The following CORIN variants were observed in gnomAD, a reference collection of about 807,000 sequenced individuals.
CORIN encodes atrial natriuretic peptide-converting enzyme.
Under a neutral mutation model 125.3 loss-of-function variants are expected in CORIN, and 117 were observed. That is an observed-to-expected ratio of 0.93 (90% CI 0.80 to 1.09). CORIN has a LOEUF of 1.09. Among genes scored for constraint, CORIN ranks in the 50% least tolerant of loss-of-function variants. CORIN has a pLI of 0.00. For synonymous variants in CORIN, 450 were observed against 466.4 expected (o/e 0.96, Z 0.45); for missense variants, 1,253 against 1,306.7 (o/e 0.96, Z 0.63).
At chr4:47,737,645 A>G (rs1728192740) in intron 5 of CORIN, among the ~76,000 whole-genome samples, 1 of 152,186 alleles carries the variant, frequency 6.6e-6, no homozygotes, top group Non-Finnish European at 1.5e-5. Flanking sequence ...TCCCTCCCTT[A>G]ACACAAAGGC....
chr4:47,813,316 G>A (rs1272335096), intron 1 of CORIN, among the ~76,000 whole-genome samples: 1 of 152,170 alleles, frequency 6.6e-6, no homozygotes, highest in Admixed American at 6.5e-5. Flanking sequence ...CACACAGTTT[G>A]GAAACCATAG....
chr4:47,658,187 A>C (rs969952983), intron 12 of CORIN, among the ~76,000 whole-genome samples: 1 of 152,250 alleles, frequency 6.6e-6, no homozygotes, highest in Admixed American at 6.5e-5. Flanking sequence ...GGCTAAAAGA[A>C]AGAGGCTACA....
chr4:47,719,739 G>A (rs1023507278), intron 5 of CORIN, among the ~76,000 whole-genome samples: 2 of 152,264 alleles, frequency 1.3e-5, no homozygotes, highest in South Asian at 2.1e-4. Context: ...TGTGCGTGGA[G>A]AAAATTGGAA....
chr4:47,782,315 G>A (rs907882647), intron 3 of CORIN, among the ~76,000 whole-genome samples: 1 of 151,412 alleles, frequency 6.6e-6, no homozygotes, highest in Non-Finnish European at 1.5e-5. Context: ...AACCCAGGAG[G>A]CGAAGGTTGC....
intron 19 of CORIN, among the ~76,000 whole-genome samples, chr4:47,618,179 A>G (rs34048353): frequency 0.27 from 40,774 of 151,692 alleles, 5,623 homozygotes; most frequent in Admixed American, 0.35. Context: ...TACTAAAAAT[A>G]CAAAATTAGC....
At chr4:47,639,045 C>T (rs928350565) in intron 16 of CORIN, among the ~76,000 whole-genome samples, 5 of 152,096 alleles carry the variant, frequency 3.3e-5, no homozygotes, top group Non-Finnish European at 5.9e-5. Flanking sequence ...CCCTGCAACC[C>T]ATGAAATTTG....
chr4:47,673,084 G>C (rs1055040075), intron 10 of CORIN, among the ~76,000 whole-genome samples: 1 of 152,064 alleles, frequency 6.6e-6, no homozygotes, highest in African/African-American at 2.4e-5. Context: ...ACCCTGGCTG[G>C]GTGCAGTGGC....
chr4:47,646,995 T>A (rs964230805), intron 13 of CORIN, among the ~76,000 whole-genome samples: 24 of 152,218 alleles, frequency 1.6e-4, no homozygotes, highest in Non-Finnish European at 2.5e-4. Flanking sequence ...TTAGATTTAG[T>A]GTGTTTCATC....
intron 5 of CORIN, among the ~76,000 whole-genome samples, chr4:47,735,114 A>G (rs1221785242): frequency 6.6e-6 from 1 of 152,248 alleles, no homozygotes; most frequent in Admixed American, 6.5e-5. Flanking sequence ...TATGATTAAG[A>G]CTGTATTATA....
chr4:47,778,087 G>A (rs1190719562), intron 3 of CORIN, among the ~76,000 whole-genome samples: 1 of 152,126 alleles, frequency 6.6e-6, no homozygotes, highest in Non-Finnish European at 1.5e-5. Flanking sequence ...TTACAATGCT[G>A]TTAACATGCT....
In CORIN at chr4:47,678,019, C is replaced by T; in HGVS notation, c.1168G>A (p.Gly390Arg). Reference sequence around the variant, plus strand: ...TGAAACGTGCTGGGGATACATTGTCCATTTCTGCATTCCACCAGACCCTGG... The same window carrying T: ...TGAAACGTGCTGGGGATACATTGTCTATTTCTGCATTCCACCAGACCCTGG... ...HSQGLVECRN[G>R]QCIPSTFQCD... Residue 390 changes from glycine to arginine, a missense_variant, in exon 9 of 22, where the codon GGA becomes AGA. Physicochemically the swap from Gly to Arg is moderately radical, Grantham distance 125. Transcript: ENST00000273857. 1 of 1,614,010 alleles carries T rather than the reference C, an allele frequency of 6.2e-7. No homozygotes were observed. Among genetic ancestry groups the T allele is most frequent in the Non-Finnish European group, 8.5e-7 (1 of 1,179,918 alleles).
chr4:47,646,618 T>C (rs1006906367), intron 13 of CORIN, among the ~76,000 whole-genome samples: 7 of 152,198 alleles, frequency 4.6e-5, no homozygotes, highest in Non-Finnish European at 7.3e-5. Context: ...AGGAAGAGAC[T>C]ACATGGCAAA....
At chr4:47,788,892 T>C (rs62299252) in intron 2 of CORIN, among the ~76,000 whole-genome samples, 13,877 of 152,284 alleles carry the variant, frequency 0.091, 799 homozygotes, top group East Asian at 0.26. Context: ...TTCCTTCTCA[T>C]ATAAAATATT....
intron 4 of CORIN, among the ~76,000 whole-genome samples, chr4:47,757,297 T>C (rs1044025762): frequency 6.6e-6 from 1 of 152,060 alleles, no homozygotes; most frequent in Non-Finnish European, 1.5e-5. Flanking sequence ...AAATTAAATA[T>C]AATAATAAAT....
chr4:47,817,035 C>G (rs558707201), intron 1 of CORIN, among the ~76,000 whole-genome samples: 1 of 152,164 alleles, frequency 6.6e-6, no homozygotes, highest in Non-Finnish European at 1.5e-5. Context: ...AGTAAGCAAA[C>G]TGTTACCCTT....
At position 47,804,730 on chromosome 4, in the gene CORIN, G is replaced by T. The variant is rs1415031369; in HGVS notation, c.208+2173C>A. Among the ~76,000 whole-genome samples, 23 of 129,776 alleles carry T rather than the reference G, an allele frequency of 1.8e-4. No individual in the cohort carries two copies. The East Asian group carries it at 6.3e-3, about 35-fold the overall frequency. The allele number at this position is 129,776 out of a possible 152,430, so 85.1% of individuals were successfully genotyped here. ...CTGAGGCTGGGAAGGATGGTGGGGG[G>T]TGGGGAGGGGGGGGGTTGTTAATGG... On this transcript the variant is annotated intron_variant, in intron 2 of 21. Coordinates refer to ENST00000273857, the MANE Select transcript of CORIN (RefSeq NM_006587.4).
intron 4 of CORIN, among the ~76,000 whole-genome samples, chr4:47,751,140 G>A (rs1242141103): frequency 6.6e-6 from 1 of 152,146 alleles, no homozygotes; most frequent in Non-Finnish European, 1.5e-5. Flanking sequence ...ACTACAGAAG[G>A]AAAGCTGTTT....
chr4:47,809,061 G>A (rs1731931404), intron 1 of CORIN, among the ~76,000 whole-genome samples: 1 of 152,152 alleles, frequency 6.6e-6, no homozygotes, highest in South Asian at 2.1e-4. Context: ...TGTAGAGAGA[G>A]CAACCCTGAA....
At chr4:47,608,060 C>A (rs568996601) in intron 19 of CORIN, among the ~76,000 whole-genome samples, 174 of 152,222 alleles carry the variant, frequency 1.1e-3, no homozygotes, top group African/African-American at 4.0e-3. Context: ...GTGGTTCACA[C>A]CTGTAATAAC....
Sources: gnomAD v4.1 joint callset for allele counts (sites outside exome capture counted in the v4.1 genomes callset) on GRCh38, gnomAD v4.1.1 for gene constraint, MANE v1.5 for transcripts, NCBI Gene and HGNC (gene_info 2026-07-23, HGNC 2026-07-21) for gene names.